PRDM16: variants seen among roughly 807,000 people sequenced by gnomAD.
PRDM16 encodes the protein histone-lysine N-methyltransferase PRDM16.
PRDM16 carries 23 observed loss-of-function variants against 110.6 expected under a neutral mutation model. The observed-to-expected ratio is 0.21, with a 90% CI of 0.15 to 0.29. The LOEUF is 0.29. Ranked by LOEUF, PRDM16 falls within the 10% of genes least tolerant of loss-of-function variation. The pLI is 1.00. For missense variants in PRDM16, 1,615 were observed against 1,794.3 expected (o/e 0.90, Z 1.81); for synonymous variants, 799 against 781.8 (o/e 1.02, Z -0.37).
At chr1:3,262,444 C>T (rs1392533607) in intron 3 of PRDM16, among the ~76,000 whole-genome samples, 1 of 152,214 alleles carries the variant, frequency 6.6e-6, no homozygotes, top group African/African-American at 2.4e-5. Context: ...CCCTGGGGCC[C>T]CCAAGGAACC....
chr1:3,405,263 G>C (rs1442750788), intron 7 of PRDM16, among the ~76,000 whole-genome samples: 1 of 152,214 alleles, frequency 6.6e-6, no homozygotes, highest in African/African-American at 2.4e-5. Flanking sequence ...CGCAGCCTCA[G>C]TTCAGGAATT....
intron 2 of PRDM16, among the ~76,000 whole-genome samples, chr1:3,240,921 A>T (rs556121676): frequency 6.6e-6 from 1 of 152,258 alleles, no homozygotes; most frequent in Non-Finnish European, 1.5e-5. Context: ...TAAAACGCTT[A>T]ATCAAACACA....
intron 1 of PRDM16, among the ~76,000 whole-genome samples, chr1:3,095,527 C>A (rs1196915411): frequency 6.6e-6 from 1 of 152,142 alleles, no homozygotes; most frequent in Non-Finnish European, 1.5e-5. Flanking sequence ...TGCGTGGTGC[C>A]TCATGGGGGG....
chr1:3,427,653 G>A (rs759161954), intron 14 of PRDM16, among the ~76,000 whole-genome samples: 11 of 152,160 alleles, frequency 7.2e-5, no homozygotes, highest in African/African-American at 1.4e-4. Flanking sequence ...GCAAAGCCAC[G>A]TTCCAAATCT....
intron 1 of PRDM16, among the ~76,000 whole-genome samples, chr1:3,181,116 T>C (rs1644158761): frequency 7.3e-6 from 1 of 136,852 alleles, no homozygotes; most frequent in African/African-American, 2.7e-5. Flanking sequence ...ACACGCGGCC[T>C]TACACACGCA....
chr1:3,402,639 A>T (rs1444971736), intron 5 of PRDM16, 152 bp from the exon 6 acceptor site: 1 of 653,326 alleles, frequency 1.5e-6, no homozygotes, highest in East Asian at 2.8e-5. Flanking sequence ...GTGGGCCCCA[A>T]GTTGAAGGCT....
chr1:3,249,858 C>A (rs1639885167), intron 3 of PRDM16, among the ~76,000 whole-genome samples: 1 of 152,256 alleles, frequency 6.6e-6, no homozygotes, highest in African/African-American at 2.4e-5. Flanking sequence ...TAAAGTCAGT[C>A]CCCTCTTGAG....
chr1:3,250,122 C>G (rs1033528434), intron 3 of PRDM16, among the ~76,000 whole-genome samples: 1 of 138,468 alleles, frequency 7.2e-6, no homozygotes, highest in Non-Finnish European at 1.6e-5. Flanking sequence ...TCTCTCCCCC[C>G]TCCCCCCACC....
At chr1:3,075,706 G>A (rs925129240) in intron 1 of PRDM16, among the ~76,000 whole-genome samples, 8 of 152,242 alleles carry the variant, frequency 5.3e-5, no homozygotes, top group Non-Finnish European at 7.3e-5. Context: ...CGCGTTTTCC[G>A]CGCTGATGGC....
chr1:3,423,180 C>T (rs1210949445), intron 12 of PRDM16, among the ~76,000 whole-genome samples: 2 of 152,176 alleles, frequency 1.3e-5, no homozygotes, highest in African/African-American at 4.8e-5. Flanking sequence ...GAGGAGTGCC[C>T]TTCTCCCAGG....
chr1:3,241,069 G>A (rs910020933), intron 2 of PRDM16, among the ~76,000 whole-genome samples: 2 of 152,232 alleles, frequency 1.3e-5, no homozygotes, highest in African/African-American at 4.8e-5. Context: ...GCTCAGGCGA[G>A]GCTGGGGGAG....
rs978770156 is a variant in PRDM16 at position 3,100,087 on chromosome 1, G to C, written c.37+30791G>C. Among the ~76,000 whole-genome samples the C allele has an allele frequency of 3.3e-5, 5 of 152,130 alleles. No homozygotes were observed. In the South Asian group the frequency reaches 1.0e-3, roughly 31 times the overall value. On this transcript the variant is annotated intron_variant, in intron 1 of 16. Transcript: ENST00000270722. ...GTGGAGAGGCCCGGCACTGCCCTGT[G>C]GGTCTCTGACAGGTGGCCGTCCCCT... is the stretch of plus-strand genomic sequence containing the variant.
intron 1 of PRDM16, among the ~76,000 whole-genome samples, chr1:3,094,602 G>C (rs536618302): frequency 4.1e-4 from 63 of 152,340 alleles, no homozygotes; most frequent in African/African-American, 1.5e-3. Context: ...ACTGGGCCCT[G>C]GAGAGCTGTG....
intron 2 of PRDM16, among the ~76,000 whole-genome samples, chr1:3,220,630 C>T (rs765220434): frequency 5.9e-5 from 9 of 152,200 alleles, no homozygotes; most frequent in Non-Finnish European, 1.3e-4. Context: ...TCTAGAGGGG[C>T]CCTTTCTTGA....
At chr1:3,402,649 T>C in intron 5 of PRDM16, 142 bp from the exon 6 acceptor site, 3 of 677,430 alleles carry the variant, frequency 4.4e-6, no homozygotes, top group Non-Finnish European at 7.7e-6. Flanking sequence ...AGTTGAAGGC[T>C]GGAAGGAAGC....
chr1:3,232,921 A>G lies in PRDM16; in HGVS notation c.388-11166A>G, dbSNP rs573208752. 2.9e-4 allele frequency among the ~76,000 whole-genome samples: 44 copies of G among 152,296 alleles called. 1 individual carries two copies. The South Asian group carries it at 8.5e-3, about 29-fold the overall frequency. On this transcript the variant is annotated intron_variant, in intron 2 of 16. Transcript: ENST00000270722. ...TACCAGGAGATCTACGACCCTTCTTATTCACTTATGATTATTAAGAATTAC... is the reference window on the plus strand; with the variant it reads ...TACCAGGAGATCTACGACCCTTCTTGTTCACTTATGATTATTAAGAATTAC...
intron 1 of PRDM16, among the ~76,000 whole-genome samples, chr1:3,114,399 C>T (rs952549337): frequency 1.5e-4 from 16 of 109,868 alleles, no homozygotes; most frequent in Admixed American, 2.8e-4. Flanking sequence ...CGCACGCACG[C>T]GCACACACAC....
At chr1:3,251,696 G>A (rs1307624431) in intron 3 of PRDM16, among the ~76,000 whole-genome samples, 2 of 152,198 alleles carry the variant, frequency 1.3e-5, no homozygotes, top group African/African-American at 2.4e-5. Flanking sequence ...GTGCAGACAG[G>A]ACACCTCTCG....
intron 3 of PRDM16, among the ~76,000 whole-genome samples, chr1:3,288,936 G>T (rs1640914030): frequency 6.6e-6 from 1 of 152,174 alleles, no homozygotes; most frequent in Admixed American, 6.5e-5. Flanking sequence ...AGCTTCAGAA[G>T]TTCCCTAGAG....
Sources: allele counts gnomAD v4.1 joint callset (sites outside exome capture counted in the v4.1 genomes callset), GRCh38; gene constraint gnomAD v4.1.1; transcripts MANE v1.5; gene names NCBI Gene and HGNC (gene_info 2026-07-23, HGNC 2026-07-21).